Variants in CD36 observed in about 807,000 individuals in gnomAD.
The protein encoded by CD36 is platelet glycoprotein 4.
In CD36, 119 loss-of-function variants were observed where a neutral mutation model predicts 55.2. The ratio of observed to expected loss-of-function variants is 2.15; its 90% CI spans 1.86 to 2.51. CD36 has a LOEUF of 2.51. Ranked by LOEUF, CD36 falls within the 30% of genes most tolerant of loss-of-function variation. CD36 has a pLI of 0.00. For missense variants in CD36, 819 were observed against 555.5 expected (o/e 1.47, Z -4.77); for synonymous variants, 186 against 193.6 (o/e 0.96, Z 0.33).
chr7:80,625,678 T>A (rs1373464891), intron 1 of CD36, among the ~76,000 whole-genome samples: 1 of 152,108 alleles, frequency 6.6e-6, no homozygotes, highest in African/African-American at 2.4e-5. Flanking sequence ...ACGTTACCTA[T>A]GCTACAATAA....
chr7:80,603,552 T>C (rs754850600), intron 1 of CD36, among the ~76,000 whole-genome samples: 6 of 152,154 alleles, frequency 3.9e-5, no homozygotes, highest in Admixed American at 3.3e-4. Flanking sequence ...GGGCAATATA[T>C]GAGACTTCTG....
At chr7:80,627,393 C>G (rs113749074) in intron 1 of CD36, among the ~76,000 whole-genome samples, 2 of 151,806 alleles carry the variant, frequency 1.3e-5, no homozygotes, top group African/African-American at 4.8e-5. Context: ...ACAGAAAAGC[C>G]AATTCCCAGG....
At chr7:80,639,318 T>C (rs1794654241) in intron 1 of CD36, among the ~76,000 whole-genome samples, 1 of 152,012 alleles carries the variant, frequency 6.6e-6, no homozygotes, top group African/African-American at 2.4e-5. Context: ...TTTTCTGTAA[T>C]GAACAAAGAT....
At chr7:80,673,546 A>C in intron 13 of CD36, 137 bp downstream of exon 13, 1 of 674,726 alleles carries the variant, frequency 1.5e-6, no homozygotes, top group Non-Finnish European at 2.7e-6. Flanking sequence ...ACATTTATTT[A>C]ACCTATTTGA....
Position 80,676,440 on chromosome 7 carries a change from G to A in CD36, c.*57G>A, listed in dbSNP as rs927349093. The A allele has an allele frequency of 6.6e-6, 1 of 152,078 alleles. No individual in the cohort carries two copies. Among genetic ancestry groups the A allele is most frequent in the African/African-American group, 2.4e-5 (1 of 41,400 alleles). 9.4% of individuals were successfully genotyped at this position (152,078 alleles called of 1,614,324 possible). On this transcript the variant is annotated 3_prime_UTR_variant, in exon 15 of 15. Transcript: ENST00000447544. ...TTCTGATTCAATAATTGGTTTCTGG[G>A]TGGCCAATTCAGAAGAAGAGTGTAC...
chr7:80,674,743 G>GTTATCACAGGTAACATTGGTGTTGC (rs1798087769), intron 14 of CD36, among the ~76,000 whole-genome samples: 4 of 151,960 alleles, frequency 2.6e-5, no homozygotes, highest in African/African-American at 9.7e-5. Context: ...CCTTTTTTTA[G>GTTATCACAGGTAACATTGGTGTTGC]TTATCACAGG....
chr7:80,665,343 T>C (rs1796971874), intron 7 of CD36, among the ~76,000 whole-genome samples: 1 of 150,114 alleles, frequency 6.7e-6, no homozygotes, highest in African/African-American at 2.4e-5. Flanking sequence ...CTAGTTTTTT[T>C]CTGAAAAAGA....
At chr7:80,662,099 A>G (rs927790984) in intron 5 of CD36, among the ~76,000 whole-genome samples, 14 of 152,220 alleles carry the variant, frequency 9.2e-5, no homozygotes, top group Non-Finnish European at 1.5e-4. Flanking sequence ...AAAATCCTAA[A>G]AAGTATATGA....
At chr7:80,614,402 G>C (rs1793033803) in intron 1 of CD36, among the ~76,000 whole-genome samples, 1 of 151,918 alleles carries the variant, frequency 6.6e-6, no homozygotes, top group Non-Finnish European at 1.5e-5. Context: ...ACACCCACTG[G>C]CCAACAAGAG....
chr7:80,618,413 C>A (rs1793283442), intron 1 of CD36, among the ~76,000 whole-genome samples: 1 of 152,056 alleles, frequency 6.6e-6, no homozygotes, highest in Non-Finnish European at 1.5e-5. Context: ...ATGGAAGTGT[C>A]ACACATCTCT....
intron 14 of CD36, among the ~76,000 whole-genome samples, chr7:80,675,501 A>AAATT (rs1432111430): frequency 6.6e-6 from 1 of 152,160 alleles, no homozygotes; most frequent in Non-Finnish European, 1.5e-5. Flanking sequence ...ATTTATAGCT[A>AAATT]AATTATAATG....
In CD36 at chr7:80,656,742, CATGT is replaced by C. The variant is rs763195090; in HGVS notation, c.281+45_281+48del. Reference sequence around the variant, plus strand: ...AAATATGAGACACTCTTACCTTGACCATGTATTTCTGAGAAGTCTTCTACTTGGC... The same window carrying C: ...AAATATGAGACACTCTTACCTTGACCATTTCTGAGAAGTCTTCTACTTGGC... On this transcript the variant is annotated intron_variant, in intron 4 of 14. Coordinates refer to ENST00000447544, the MANE Select transcript of CD36 (RefSeq NM_001001548.3). The C allele has an allele frequency of 1.9e-6, 3 of 1,565,246 alleles. No homozygotes were observed. The African/African-American group carries it at 4.1e-5, about 21-fold the overall frequency.
chr7:80,646,690 A>G lies in CD36; in HGVS notation c.-51A>G, dbSNP rs369908271. On this transcript the variant is annotated 5_prime_UTR_variant, in exon 3 of 15. Transcript: ENST00000447544. ...AGAAACCACTTTAATCATATCCAGG[A>G]GTTTGCAAGAAACAGGTGCTTAACA... 1.4e-5 allele frequency: 22 copies of G among 1,611,612 alleles called. No homozygotes were observed. In the African/African-American group the frequency reaches 2.8e-4, roughly 21 times the overall value.
At chr7:80,651,992 T>C (rs1795661123) in intron 3 of CD36, among the ~76,000 whole-genome samples, 1 of 152,176 alleles carries the variant, frequency 6.6e-6, no homozygotes, top group Non-Finnish European at 1.5e-5. Flanking sequence ...TGTATGCTTC[T>C]AGTATTTCCA....
intron 1 of CD36, among the ~76,000 whole-genome samples, chr7:80,614,717 A>G (rs961501765): frequency 6.6e-6 from 1 of 152,068 alleles, no homozygotes; most frequent in Non-Finnish European, 1.5e-5. Flanking sequence ...CCAATACCCC[A>G]GTTTATAATG....
chr7:80,651,838 G>A (rs373741628), intron 3 of CD36, among the ~76,000 whole-genome samples: 1 of 152,178 alleles, frequency 6.6e-6, no homozygotes, highest in Non-Finnish European at 1.5e-5. Context: ...GAGCCCAGGA[G>A]GTTGAGGCTG....
At chr7:80,637,313 T>C (rs564056381), upstream of CD36, among the ~76,000 whole-genome samples, 96 of 152,000 alleles carry the variant, frequency 6.3e-4, no homozygotes, top group Non-Finnish European at 1.1e-3. Flanking sequence ...GCCACCAAGA[T>C]AAAAGGTCGC....
intron 3 of CD36, among the ~76,000 whole-genome samples, chr7:80,648,366 T>C (rs767645443): frequency 6.6e-6 from 1 of 152,176 alleles, no homozygotes. Flanking sequence ...AATCTTCCAA[T>C]GCACAGCGAT....
intron 1 of CD36, among the ~76,000 whole-genome samples, chr7:80,607,026 A>G (rs1205187732): frequency 1.3e-5 from 2 of 152,218 alleles, no homozygotes; most frequent in Non-Finnish European, 2.9e-5. Flanking sequence ...TGAAGTTGGG[A>G]AACACAGGAT....
Sources: gnomAD v4.1 joint callset for allele counts (sites outside exome capture counted in the v4.1 genomes callset) on GRCh38, gnomAD v4.1.1 for gene constraint, MANE v1.5 for transcripts, NCBI Gene and HGNC (gene_info 2026-07-23, HGNC 2026-07-21) for gene names.